ARB2A: variants seen among roughly 807,000 people sequenced by gnomAD.
ARB2A encodes cotranscriptional regulator ARB2A.
the ARB2A span, among the ~76,000 whole-genome samples, chr5:93,818,780 C>A: frequency 6.6e-6 from 1 of 151,866 alleles, no homozygotes; most frequent in Non-Finnish European, 1.5e-5. Flanking sequence ...TACACCTGAA[C>A]GAAAAAAGTA....
the ARB2A span, among the ~76,000 whole-genome samples, chr5:93,872,484 C>CA: frequency 6.6e-6 from 1 of 152,154 alleles, no homozygotes; most frequent in Non-Finnish European, 1.5e-5. Flanking sequence ...CAGTGTCCAA[C>CA]AAAAACTCAT....
chr5:94,091,585 A>G, the ARB2A span, among the ~76,000 whole-genome samples: 7 of 152,212 alleles, frequency 4.6e-5, no homozygotes, highest in Non-Finnish European at 8.8e-5. Context: ...GTGGAAACTG[A>G]AGCAAACTGG....
At chr5:93,848,360 C>T in the ARB2A span, among the ~76,000 whole-genome samples, 6 of 147,088 alleles carry the variant, frequency 4.1e-5, no homozygotes, top group Non-Finnish European at 5.9e-5. Context: ...TCTAGCTTGG[C>T]GACAGAGCGA....
chr5:93,813,080 T>C, the ARB2A span, among the ~76,000 whole-genome samples: 1 of 152,152 alleles, frequency 6.6e-6, no homozygotes, highest in African/African-American at 2.4e-5. Context: ...TTAACACCCT[T>C]ATTTAGGACT....
chr5:93,648,510 G>C, the ARB2A span, among the ~76,000 whole-genome samples: 2 of 152,128 alleles, frequency 1.3e-5, no homozygotes, highest in African/African-American at 4.8e-5. Context: ...AGGGTTAACT[G>C]TAGTAAAATT....
chr5:93,954,673 AAGCAC>A, the ARB2A span, among the ~76,000 whole-genome samples: 8 of 151,644 alleles, frequency 5.3e-5, no homozygotes, highest in Middle Eastern at 3.4e-3. Context: ...TACTGCCTCT[AAGCAC>A]AGCACAGCAC....
the ARB2A span, among the ~76,000 whole-genome samples, chr5:94,020,263 CT>C: frequency 1.5e-5 from 2 of 134,628 alleles, no homozygotes; most frequent in African/African-American, 5.8e-5. Context: ...ACATCACACA[CT>C]GGGGCCTGTT....
the ARB2A span, among the ~76,000 whole-genome samples, chr5:93,931,729 G>A: frequency 6.6e-6 from 1 of 150,946 alleles, no homozygotes; most frequent in Non-Finnish European, 1.5e-5. Context: ...CATGTAACCA[G>A]CAGTCAGATT....
chr5:93,783,047 T>C, the ARB2A span, among the ~76,000 whole-genome samples: 2 of 152,136 alleles, frequency 1.3e-5, no homozygotes, highest in South Asian at 4.1e-4. Context: ...AAGGAACACC[T>C]AATCCAGCCT....
the ARB2A span, among the ~76,000 whole-genome samples, chr5:93,983,571 T>C: frequency 2.0e-5 from 3 of 152,076 alleles, no homozygotes; most frequent in Admixed American, 6.6e-5. Context: ...TCCCAACTAA[T>C]ACATAGAGAG....
At chr5:93,669,085 CT>C in the ARB2A span, among the ~76,000 whole-genome samples, 1 of 152,144 alleles carries the variant, frequency 6.6e-6, no homozygotes, top group South Asian at 2.1e-4. Flanking sequence ...AAAAGTCATC[CT>C]AATTTGTATG....
chr5:93,937,767 A>C, the ARB2A span, among the ~76,000 whole-genome samples: 1 of 152,162 alleles, frequency 6.6e-6, no homozygotes, highest in African/African-American at 2.4e-5. Flanking sequence ...CAAGTGCCTT[A>C]TATAAAATGG....
At chr5:93,638,134 T>C in the ARB2A span, among the ~76,000 whole-genome samples, 1 of 152,222 alleles carries the variant, frequency 6.6e-6, no homozygotes, top group Non-Finnish European at 1.5e-5. Flanking sequence ...AACATTGCCA[T>C]ATGTGACACT....
the ARB2A span, chr5:93,617,966 C>G: frequency 6.6e-6 from 1 of 152,250 alleles, no homozygotes; most frequent in Admixed American, 6.5e-5. Context: ...AAAATATTGA[C>G]GGATGCTGTC....
chr5:93,691,710 C>T, the ARB2A span, among the ~76,000 whole-genome samples: 2 of 151,416 alleles, frequency 1.3e-5, no homozygotes, highest in Non-Finnish European at 2.9e-5. Context: ...AGAGCAACCC[C>T]AAGACACATA....
chr5:93,825,732 C>T, the ARB2A span, among the ~76,000 whole-genome samples: 2 of 151,948 alleles, frequency 1.3e-5, no homozygotes, highest in Admixed American at 1.3e-4. Flanking sequence ...TCAGTGAGCA[C>T]ATTAGAATTA....
At chr5:94,068,342 G>A in the ARB2A span, among the ~76,000 whole-genome samples, 3 of 152,350 alleles carry the variant, frequency 2.0e-5, no homozygotes, top group African/African-American at 4.8e-5. Context: ...GGAGCACAAC[G>A]GACACCTGCC....
At chr5:93,946,067 G>C in the ARB2A span, among the ~76,000 whole-genome samples, 2 of 152,102 alleles carry the variant, frequency 1.3e-5, no homozygotes, top group Non-Finnish European at 2.9e-5. Flanking sequence ...TGAACAAGTA[G>C]ACTGAAGGCA....
At chr5:93,899,651 T>C in the ARB2A span, among the ~76,000 whole-genome samples, 6 of 152,168 alleles carry the variant, frequency 3.9e-5, no homozygotes, top group African/African-American at 1.4e-4. Flanking sequence ...ATTAGGACAA[T>C]GTTCTTTAAC....
Sources: allele counts gnomAD v4.1 joint callset (sites outside exome capture counted in the v4.1 genomes callset), GRCh38; gene constraint gnomAD v4.1.1; transcripts MANE v1.5; gene names NCBI Gene and HGNC (gene_info 2026-07-23, HGNC 2026-07-21).